Variants in TMEM72 observed in about 807,000 individuals in gnomAD.
TMEM72 encodes transmembrane protein 72, also known as kidney-specific secretory protein of 37 kDa.
Under a neutral mutation model 16.3 loss-of-function variants are expected in TMEM72, and 9 were observed. That is an observed-to-expected ratio of 0.55 (90% CI 0.33 to 0.96). TMEM72 has a LOEUF of 0.96. Ranked by LOEUF, TMEM72 falls within the 40% of genes least tolerant of loss-of-function variation. The pLI, the probability that TMEM72 is intolerant of heterozygous loss-of-function variation, is 0.03. For synonymous variants in TMEM72, 160 were observed against 146.5 expected (o/e 1.09, Z -0.66); for missense variants, 324 against 337.8 (o/e 0.96, Z 0.32).
chr10:44,912,250 T>C (rs1022550836), intron 1 of TMEM72, among the ~76,000 whole-genome samples: 36 of 152,140 alleles, frequency 2.4e-4, no homozygotes, highest in African/African-American at 6.3e-4. Flanking sequence ...ACAGGGCTGC[T>C]CAACTGGACA....
intron 2 of TMEM72, among the ~76,000 whole-genome samples, chr10:44,928,215 C>A (rs1326605836): frequency 6.6e-6 from 1 of 152,086 alleles, no homozygotes; most frequent in Non-Finnish European, 1.5e-5. Context: ...CCAATTGATC[C>A]AGCCAGCCAC....
chr10:44,913,980 G>A (rs1839976818), intron 1 of TMEM72, among the ~76,000 whole-genome samples: 1 of 152,194 alleles, frequency 6.6e-6, no homozygotes, highest in Admixed American at 6.5e-5. Flanking sequence ...CACCTGCAGG[G>A]ACCAGGCAGC....
chr10:44,930,119 C>T (rs1840272171), intron 2 of TMEM72, among the ~76,000 whole-genome samples: 1 of 152,168 alleles, frequency 6.6e-6, no homozygotes, highest in African/African-American at 2.4e-5. Flanking sequence ...ACCCTATGCC[C>T]ATGTGGTCTC....
rs566066707 is a variant in TMEM72, at chr10:44,935,476, G to A, written c.*342G>A. On this transcript the variant is annotated 3_prime_UTR_variant, in exon 5 of 5. Coordinates refer to ENST00000389583, the MANE Select transcript of TMEM72 (RefSeq NM_001123376.3). ...AGCCCAGAAGGGACAGAGGATGTCT[G>A]CCCAGCAAAAGCCTCTGGGCTTTTC... The A allele has an allele frequency of 1.7e-3, 424 of 248,002 alleles. No individual in the cohort carries two copies. The highest frequency in any genetic ancestry group is 2.6e-3 in the Non-Finnish European group (338 of 130,870). The allele number at this position is 248,002 out of a possible 1,614,324, so 15.4% of individuals were successfully genotyped here.
Position 44,935,265 on chromosome 10 carries a change from T to A in TMEM72, c.*131T>A. On this transcript the variant is annotated 3_prime_UTR_variant, in exon 5 of 5. Coordinates refer to ENST00000389583, the MANE Select transcript of TMEM72 (RefSeq NM_001123376.3). ...GACACCCCCACACTGGCTGGGCCCC[T>A]GAGGCCATCAGGAGGTGTGACTGGC... 1 of 862,194 alleles carries A rather than the reference T, an allele frequency of 1.2e-6. No individual in the cohort carries two copies. Among genetic ancestry groups the A allele is most frequent in the Admixed American group, 3.2e-5 (1 of 30,908 alleles). 53.4% of individuals were successfully genotyped at this position (862,194 alleles called of 1,614,324 possible).
chr10:44,923,758 C>T (rs1020440914), intron 1 of TMEM72, among the ~76,000 whole-genome samples: 1 of 152,230 alleles, frequency 6.6e-6, no homozygotes, highest in Non-Finnish European at 1.5e-5. Context: ...AAAGTCCAAA[C>T]ATCAACATGC....
intron 4 of TMEM72, among the ~76,000 whole-genome samples, chr10:44,934,128 C>T (rs1840352648): frequency 6.6e-6 from 1 of 152,140 alleles, no homozygotes; most frequent in Non-Finnish European, 1.5e-5. Context: ...CTCCCCAGTG[C>T]CTACTCATTC....
intron 1 of TMEM72, among the ~76,000 whole-genome samples, chr10:44,918,478 T>C (rs193000902): frequency 1.3e-5 from 2 of 152,276 alleles, no homozygotes; most frequent in Admixed American, 1.3e-4. Context: ...TCTCAACTCA[T>C]TCTATAAAAT....
chr10:44,926,646 G>T (rs958932791), intron 1 of TMEM72, among the ~76,000 whole-genome samples: 1 of 152,170 alleles, frequency 6.6e-6, no homozygotes, highest in Non-Finnish European at 1.5e-5. Context: ...CTGGTGGCAC[G>T]TTAATGTGGG....
intron 2 of TMEM72, among the ~76,000 whole-genome samples, chr10:44,928,463 T>C (rs1398759451): frequency 6.7e-6 from 1 of 150,068 alleles, no homozygotes; most frequent in African/African-American, 2.5e-5. Flanking sequence ...CCCATCTATT[T>C]ATCCATCCAC....
chr10:44,920,948 G>A (rs745311253), intron 1 of TMEM72, among the ~76,000 whole-genome samples: 3 of 152,194 alleles, frequency 2.0e-5, no homozygotes, highest in African/African-American at 2.4e-5. Context: ...GCTCCAGGAT[G>A]AGAAGGATAC....
intron 1 of TMEM72, among the ~76,000 whole-genome samples, chr10:44,922,263 C>T (rs1029445528): frequency 3.9e-5 from 6 of 152,144 alleles, no homozygotes; most frequent in Admixed American, 3.9e-4. Flanking sequence ...GTGCAGTCTC[C>T]GGGAACAGAC....
Position 44,927,955 on chromosome 10 carries a change from G to A in TMEM72, c.105G>A (p.Gln35=). 6.2e-7 allele frequency: 1 copy of A among 1,613,770 alleles called. No homozygotes were observed. The highest frequency in any genetic ancestry group is 1.3e-5 in the African/African-American group (1 of 74,978). The change falls in exon 2 of 5, where the codon CAG becomes CAA. Residue 35 remains glutamine, a synonymous_variant. Transcript: ENST00000389583. ...GCGTGGGCACTGAGACCTTCCTCCA[G>A]GGCCAGTTCAAAAGCCTGGCTTTCT... The part of the protein sequence containing the change: ...LIGVGTETFL[Q]GQFKSLAFYL...
intron 2 of TMEM72, among the ~76,000 whole-genome samples, chr10:44,929,046 A>T (rs1400341059): frequency 6.6e-6 from 1 of 152,262 alleles, no homozygotes; most frequent in Non-Finnish European, 1.5e-5. Flanking sequence ...AGAAGGGCAT[A>T]TTGGCCTAGT....
At chr10:44,912,455 C>A (rs1472198410) in intron 1 of TMEM72, among the ~76,000 whole-genome samples, 1 of 152,222 alleles carries the variant, frequency 6.6e-6, no homozygotes, top group Non-Finnish European at 1.5e-5. Flanking sequence ...AGACACACCC[C>A]CTATCAAAGC....
intron 1 of TMEM72, among the ~76,000 whole-genome samples, chr10:44,916,067 G>T (rs1017849331): frequency 1.3e-5 from 2 of 152,164 alleles, no homozygotes; most frequent in African/African-American, 4.8e-5. Context: ...GAACATTGAG[G>T]TAACCTGGCA....
intron 1 of TMEM72, among the ~76,000 whole-genome samples, chr10:44,922,718 A>C (rs975394294): frequency 6.6e-6 from 1 of 152,210 alleles, no homozygotes; most frequent in Non-Finnish European, 1.5e-5. Context: ...ATCCTCTATG[A>C]AGTCTTAAGT....
At chr10:44,929,728 T>G (rs1001310112) in intron 2 of TMEM72, among the ~76,000 whole-genome samples, 1 of 152,272 alleles carries the variant, frequency 6.6e-6, no homozygotes, top group Non-Finnish European at 1.5e-5. Context: ...TTGCCACTCA[T>G]GTACAGCAGG....
chr10:44,931,788 C>T, intron 2 of TMEM72: 2 of 576,920 alleles, frequency 3.5e-6, no homozygotes, highest in Non-Finnish European at 6.1e-6. Context: ...CCACCCATCT[C>T]TGAACCCCAG....
Sources: gnomAD v4.1 joint callset for allele counts (sites outside exome capture counted in the v4.1 genomes callset) on GRCh38, gnomAD v4.1.1 for gene constraint, MANE v1.5 for transcripts, NCBI Gene and HGNC (gene_info 2026-07-23, HGNC 2026-07-21) for gene names.